COL5A2: variants seen among roughly 807,000 people sequenced by gnomAD.
COL5A2 encodes the protein collagen type V alpha 2 chain.
In COL5A2, 23 loss-of-function variants were observed where a neutral mutation model predicts 208.2. The ratio of observed to expected loss-of-function variants is 0.11; its 90% CI spans 0.08 to 0.16. The LOEUF (loss-of-function observed/expected upper bound fraction) is 0.16. COL5A2 is among the 10% of genes least tolerant of loss of function. COL5A2 has a pLI of 1.00. For synonymous variants in COL5A2, 625 were observed against 628.5 expected, an observed-to-expected ratio of 0.99 and a Z score of 0.08; for missense variants, 1,590 against 1,956.4, an observed-to-expected ratio of 0.81 and a Z score of 3.53.
At chr2:189,292,213 G>A in the COL5A2 span, among the ~76,000 whole-genome samples, 1 of 152,154 alleles carries the variant, frequency 6.6e-6, no homozygotes, top group Non-Finnish European at 1.5e-5. Context: ...GAAGACCGCA[G>A]CTTATTAATT....
At chr2:189,249,064 C>T in the COL5A2 span, among the ~76,000 whole-genome samples, 39 of 151,900 alleles carry the variant, frequency 2.6e-4, no homozygotes, top group African/African-American at 9.4e-4. Flanking sequence ...TTCTCTTTGG[C>T]AGACCAAAAA....
At chr2:189,241,661 G>T in the COL5A2 span, among the ~76,000 whole-genome samples, 1 of 152,136 alleles carries the variant, frequency 6.6e-6, no homozygotes, top group Admixed American at 6.6e-5. Flanking sequence ...ACTCCAGCCT[G>T]GGTGACAAAG....
chr2:189,277,569 T>G, the COL5A2 span, among the ~76,000 whole-genome samples: 22 of 152,216 alleles, frequency 1.4e-4, no homozygotes, highest in South Asian at 6.2e-4. Context: ...AGGAGTCTTT[T>G]CAGGTTATAG....
the COL5A2 span, among the ~76,000 whole-genome samples, chr2:189,241,613 G>T: frequency 6.6e-6 from 1 of 152,172 alleles, no homozygotes. Context: ...TTGAGCCCAG[G>T]AGGTTGAGGC....
intron 1 of COL5A2, among the ~76,000 whole-genome samples, chr2:189,143,805 GA>G (rs1314166176): frequency 3.9e-5 from 6 of 151,942 alleles, no homozygotes; most frequent in Non-Finnish European, 8.8e-5. Flanking sequence ...ACTGGACTTT[GA>G]AAAAGGAGTA....
the COL5A2 span, among the ~76,000 whole-genome samples, chr2:189,252,214 A>G: frequency 5.3e-5 from 8 of 152,306 alleles, no homozygotes; most frequent in South Asian, 8.3e-4. Flanking sequence ...TGATTCCTCA[A>G]GGATCTAGAA....
the COL5A2 span, among the ~76,000 whole-genome samples, chr2:189,254,053 A>G: frequency 6.6e-6 from 1 of 152,258 alleles, no homozygotes; most frequent in Non-Finnish European, 1.5e-5. Flanking sequence ...CTTGTAGTCA[A>G]TACTTACTTC....
At chr2:189,037,591 A>C (rs1685469837) in intron 51 of COL5A2, among the ~76,000 whole-genome samples, 1 of 152,156 alleles carries the variant, frequency 6.6e-6, no homozygotes, top group South Asian at 2.1e-4. Context: ...GTCTCCTGTG[A>C]CTTAGGATCC....
Position 189,115,578 on chromosome 2 carries a change from C to A in COL5A2, c.98-5129G>T, listed in dbSNP as rs897367416. 2.6e-5 allele frequency among the ~76,000 whole-genome samples: 4 copies of A among 152,188 alleles called. No individual in the cohort carries two copies. In the East Asian group the frequency reaches 7.7e-4, roughly 29 times the overall value. On this transcript the variant is annotated intron_variant, in intron 1 of 53. Coordinates refer to ENST00000374866, the MANE Select transcript of COL5A2 (RefSeq NM_000393.5). The stretch of plus-strand genomic sequence containing the variant: ...TATTCTCTAGCCATTAACTAAAGTT[C>A]TTTCAAGCAGAAATAATACACAGCA...
chr2:189,380,958 TGAA>T, the COL5A2 span, among the ~76,000 whole-genome samples: 1 of 152,000 alleles, frequency 6.6e-6, no homozygotes, highest in Non-Finnish European at 1.5e-5. Context: ...AACAAGGAAC[TGAA>T]GAATGAAGAA....
chr2:189,078,063 G>A (rs1400824945), intron 16 of COL5A2, among the ~76,000 whole-genome samples: 1 of 152,084 alleles, frequency 6.6e-6, no homozygotes, highest in East Asian at 1.9e-4. Context: ...TGATCAGGAG[G>A]CTCACATCTT....
At chr2:189,341,040 G>T in the COL5A2 span, among the ~76,000 whole-genome samples, 2 of 152,152 alleles carry the variant, frequency 1.3e-5, no homozygotes, top group Non-Finnish European at 2.9e-5. Flanking sequence ...CTACTTTGGT[G>T]TAAAATAAGT....
At chr2:189,438,949 C>T in the COL5A2 span, among the ~76,000 whole-genome samples, 1 of 152,070 alleles carries the variant, frequency 6.6e-6, no homozygotes, top group Non-Finnish European at 1.5e-5. Context: ...TTTTACTATA[C>T]CCCCTTGATG....
the COL5A2 span, among the ~76,000 whole-genome samples, chr2:189,413,321 T>G: frequency 1.3e-5 from 2 of 152,262 alleles, no homozygotes; most frequent in South Asian, 4.1e-4. Context: ...CAGAGAATAC[T>G]CCAGCAGTTA....
intron 12 of COL5A2, among the ~76,000 whole-genome samples, chr2:189,083,244 C>T (rs1686576754): frequency 6.6e-6 from 1 of 152,120 alleles, no homozygotes; most frequent in Admixed American, 6.5e-5. Context: ...GCCAGCGTAA[C>T]ACATTCTAGA....
intron 1 of COL5A2, among the ~76,000 whole-genome samples, chr2:189,210,736 A>T (rs1198648297): frequency 2.6e-5 from 4 of 152,242 alleles, no homozygotes; most frequent in African/African-American, 9.6e-5. Flanking sequence ...TTTAAGCATC[A>T]TCTGGTCTTT....
the COL5A2 span, among the ~76,000 whole-genome samples, chr2:189,271,328 G>C: frequency 2.0e-5 from 3 of 152,172 alleles, no homozygotes; most frequent in Admixed American, 2.0e-4. Flanking sequence ...CAATGGAACA[G>C]AACAGAGACC....
chr2:189,041,756 T>A, intron 49 of COL5A2, 63 bp from the exon 50 acceptor site: 1 of 1,037,716 alleles, frequency 9.6e-7, no homozygotes, highest in South Asian at 1.3e-5. Context: ...TGCCTTTCTC[T>A]AATCAAAGAA....
intron 1 of COL5A2, among the ~76,000 whole-genome samples, chr2:189,150,061 C>T (rs1351934364): frequency 6.6e-6 from 1 of 152,092 alleles, no homozygotes; most frequent in Non-Finnish European, 1.5e-5. Context: ...TTATGGTTTG[C>T]TTTAATTTAT....
Sources: gnomAD v4.1 joint callset for allele counts (sites outside exome capture counted in the v4.1 genomes callset) on GRCh38, gnomAD v4.1.1 for gene constraint, MANE v1.5 for transcripts, NCBI Gene and HGNC (gene_info 2026-07-23, HGNC 2026-07-21) for gene names.